Variants in CC2D2B observed in about 807,000 individuals in gnomAD.
CC2D2B encodes the protein coiled-coil and C2 domain containing 2B.
CC2D2B carries 128 observed loss-of-function variants against 161.2 expected under a neutral mutation model. The ratio of observed to expected loss-of-function variants is 0.79; its 90% CI spans 0.69 to 0.92. CC2D2B has a LOEUF of 0.92. CC2D2B is among the 40% of genes least tolerant of loss of function. The pLI is 0.00. For missense variants in CC2D2B, 1,173 were observed against 1,375.1 expected (o/e 0.85, Z 2.32); for synonymous variants, 391 against 449.8 (o/e 0.87, Z 1.65).
chr10:96,025,220 T>C (rs2079709153), intron 33 of CC2D2B, among the ~76,000 whole-genome samples: 1 of 119,132 alleles, frequency 8.4e-6, no homozygotes, highest in Non-Finnish European at 1.7e-5. Context: ...TATATATATA[T>C]AGCTGGGCAT....
At chr10:96,031,370 T>A (rs2080059563) in intron 34 of CC2D2B, among the ~76,000 whole-genome samples, 1 of 152,214 alleles carries the variant, frequency 6.6e-6, no homozygotes, top group Non-Finnish European at 1.5e-5. Flanking sequence ...ATTAAACAGG[T>A]AATTTTCCAT....
intron 24 of CC2D2B, among the ~76,000 whole-genome samples, chr10:96,003,586 TTGTGTGTG>T (rs68085058): frequency 0.01 from 1,315 of 127,730 alleles, 14 homozygotes; most frequent in African/African-American, 0.027. Flanking sequence ...GCCCGGCTAA[TTGTGTGTG>T]TGTGTGTGTG....
rs56354333 is a variant in CC2D2B at position 96,008,168 on chromosome 10, C to CTTTT, written c.2947-1644_2947-1641dup. On this transcript the variant is annotated intron_variant, in intron 25 of 34. Transcript: ENST00000646931. ...AAAATGGAATCCTATGGTATGTGTT[C>CTTTT]TTTTTTTTTTTTTTTTGGTTTTGCT... Among the ~76,000 whole-genome samples, 12 of 130,392 alleles carry CTTTT rather than the reference C, an allele frequency of 9.2e-5. No homozygotes were observed. The East Asian group carries it at 1.1e-3, about 12-fold the overall frequency. The allele number at this position is 130,392 out of a possible 152,430, so 85.5% of individuals were successfully genotyped here. A position where few individuals can be genotyped will look rare whatever the true frequency, so the allele number is the denominator to read the frequency against.
intron 25 of CC2D2B, among the ~76,000 whole-genome samples, chr10:96,007,997 C>A (rs996529785): frequency 6.6e-6 from 1 of 151,934 alleles, no homozygotes; most frequent in Non-Finnish European, 1.5e-5. Flanking sequence ...ATGTATATAC[C>A]AATGAAACTG....
At chr10:96,024,655 C>T (rs1021762970) in intron 32 of CC2D2B, among the ~76,000 whole-genome samples, 198 bp from the exon 33 acceptor site, 3 of 152,088 alleles carry the variant, frequency 2.0e-5, no homozygotes, top group Non-Finnish European at 4.4e-5. Context: ...TTTGTAAACC[C>T]ATCCCCCATC....
chr10:96,010,998 C>A (rs528509478), intron 26 of CC2D2B, among the ~76,000 whole-genome samples: 2 of 152,116 alleles, frequency 1.3e-5, no homozygotes, highest in African/African-American at 4.8e-5. Flanking sequence ...ATTAATGGCA[C>A]GAAGTCACCA....
chr10:96,014,010 A>G, intron 29 of CC2D2B, 133 bp downstream of exon 29: 1 of 370,892 alleles, frequency 2.7e-6, no homozygotes, highest in Non-Finnish European at 4.6e-6. Context: ...TTTATACATC[A>G]TCTTCAGTTC....
At chr10:95,926,588 G>GTA (rs2098538908) in intron 5 of CC2D2B, among the ~76,000 whole-genome samples, 1 of 150,858 alleles carries the variant, frequency 6.6e-6, no homozygotes, top group South Asian at 2.1e-4. Flanking sequence ...TTCATTCCTA[G>GTA]TAACTATGAG....
At chr10:95,917,897 C>T (rs2098519566) in intron 2 of CC2D2B, among the ~76,000 whole-genome samples, 1 of 152,158 alleles carries the variant, frequency 6.6e-6, no homozygotes, top group African/African-American at 2.4e-5. Context: ...CTGCCTCAGC[C>T]TCCCAAGTAG....
chr10:95,962,953 T>G (rs760886413), intron 12 of CC2D2B, among the ~76,000 whole-genome samples: 13 of 152,042 alleles, frequency 8.6e-5, no homozygotes, highest in Non-Finnish European at 1.8e-4. Context: ...TGTCGTAGGG[T>G]TACCCAGAAC....
In CC2D2B at chr10:95,927,295, G is replaced by A. The variant is rs368826766; in HGVS notation, c.299G>A (p.Gly100Asp). The A allele has an allele frequency of 6.4e-7, 1 of 1,551,522 alleles. No individual in the cohort carries two copies. The highest frequency in any genetic ancestry group is 8.7e-7 in the Non-Finnish European group (1 of 1,146,550). Residue 100 changes from glycine (G) to aspartate (D), a missense_variant, in exon 6 of 35, where the codon GGT (glycine) becomes GAT (aspartate). Physicochemically the swap from Gly to Asp is moderately conservative, Grantham distance 94. Coordinates refer to ENST00000646931, the MANE Select transcript of CC2D2B (RefSeq NM_001349008.3). ...AGTCTTTCATTTTTCATTCTGAGTG[G>A]TGAAGAAGGTTCAGCTTTGGGCAAG... ...DESLSFFILSGEEGSALGKSS... is the reference protein window; with the variant it reads ...DESLSFFILSDEEGSALGKSS...
At chr10:96,005,134 T>C (rs1432182489) in intron 25 of CC2D2B, among the ~76,000 whole-genome samples, 1 of 152,090 alleles carries the variant, frequency 6.6e-6, no homozygotes, top group Non-Finnish European at 1.5e-5. Flanking sequence ...TTAAACTGAG[T>C]AGTGTTTTGA....
At chr10:95,997,620 C>A (rs2078281295) in intron 24 of CC2D2B, among the ~76,000 whole-genome samples, 1 of 152,186 alleles carries the variant, frequency 6.6e-6, no homozygotes, top group Admixed American at 6.5e-5. Flanking sequence ...AACTCCTGGG[C>A]TCAAATGATC....
intron 17 of CC2D2B, among the ~76,000 whole-genome samples, chr10:95,976,012 C>T (rs2077300101): frequency 6.6e-6 from 1 of 152,194 alleles, no homozygotes; most frequent in Admixed American, 6.5e-5. Context: ...CTGAGGCTAA[C>T]TTTTATGCAG....
At chr10:96,031,349 AT>A in intron 34 of CC2D2B, among the ~76,000 whole-genome samples, 1 of 152,342 alleles carries the variant, frequency 6.6e-6, no homozygotes, top group East Asian at 1.9e-4. Context: ...AATGGTTGTC[AT>A]CTATGTATTA....
intron 33 of CC2D2B, among the ~76,000 whole-genome samples, chr10:96,026,338 C>A (rs746427726): frequency 2.0e-4 from 30 of 152,166 alleles, no homozygotes; most frequent in Non-Finnish European, 4.0e-4. Context: ...GTTCTAGGGG[C>A]TGGATATATA....
intron 25 of CC2D2B, among the ~76,000 whole-genome samples, chr10:96,005,849 A>C (rs1217469777): frequency 2.6e-5 from 4 of 152,304 alleles, no homozygotes; most frequent in African/African-American, 9.6e-5. Flanking sequence ...ACCTTAAACT[A>C]ACCCAAAACT....
At chr10:96,016,781 C>T (rs1270345633) in intron 30 of CC2D2B, among the ~76,000 whole-genome samples, 2 of 152,260 alleles carry the variant, frequency 1.3e-5, no homozygotes, top group East Asian at 1.9e-4. Context: ...AGGGCAATAG[C>T]GTGATCTCGC....
chr10:95,961,294 G>A (rs1283531973), intron 11 of CC2D2B, among the ~76,000 whole-genome samples: 3 of 152,178 alleles, frequency 2.0e-5, no homozygotes, highest in Non-Finnish European at 4.4e-5. Flanking sequence ...TTAGGAGGCT[G>A]AGGCAGGCAG....
Sources: gnomAD v4.1 joint callset for allele counts (sites outside exome capture counted in the v4.1 genomes callset) on GRCh38, gnomAD v4.1.1 for gene constraint, MANE v1.5 for transcripts, NCBI Gene and HGNC (gene_info 2026-07-23, HGNC 2026-07-21) for gene names.